The following UFL1 variants were observed in gnomAD, a reference collection of about 807,000 sequenced individuals.
The protein encoded by UFL1 is E3 UFM1-protein ligase 1.
In UFL1, 78 loss-of-function variants were observed where a neutral mutation model predicts 99.3. The observed-to-expected ratio is 0.79, with a 90% CI of 0.65 to 0.95. The LOEUF (loss-of-function observed/expected upper bound fraction) is 0.95. Ranked by LOEUF, UFL1 falls within the 40% of genes least tolerant of loss-of-function variation. The pLI is 0.00. For synonymous variants in UFL1, 335 were observed against 322.2 expected, an observed-to-expected ratio of 1.04 and a Z score of -0.42; for missense variants, 936 against 937.0, an observed-to-expected ratio of 1.00 and a Z score of 0.01.
rs151040340 is a variant in UFL1, at chr6:96,537,065, C to A, written c.803-309C>A. On this transcript the variant is annotated intron_variant, in intron 8 of 18. Transcript: ENST00000369278. ...CCAAGTCAAACTGCATAACAGATTA[C>A]TTCCTCAGTAATAAACCTGTAAGTC... 7.2e-3 allele frequency among the ~76,000 whole-genome samples: 1,089 copies of A among 151,708 alleles called. 11 individuals are homozygous for A. The highest frequency in any genetic ancestry group is 0.022 in the African/African-American group (920 of 41,464).
chr6:96,547,183 CAAAAG>C (rs757652246), intron 12 of UFL1, among the ~76,000 whole-genome samples: 1 of 151,566 alleles, frequency 6.6e-6, no homozygotes, highest in Non-Finnish European at 1.5e-5. Flanking sequence ...AGATACTTCT[CAAAAG>C]AAGAAATACA....
Position 96,551,984 on chromosome 6 carries a change from A to G in UFL1, c.1985+61A>G, listed in dbSNP as rs2127953862. Reference sequence around the variant, plus strand: ...TAAATGTGGAGCCTTTCATATCTGAAATTTGAATTTGACTGCCCGGCTCTT... The same window carrying G: ...TAAATGTGGAGCCTTTCATATCTGAGATTTGAATTTGACTGCCCGGCTCTT... On this transcript the variant is annotated intron_variant, in intron 17 of 18. Transcript: ENST00000369278. 7.3e-6 allele frequency: 9 copies of G among 1,230,828 alleles called. No homozygotes were observed. The South Asian group carries it at 1.2e-4, about 16-fold the overall frequency. 76.2% of individuals were successfully genotyped at this position (1,230,828 alleles called of 1,614,324 possible). A position where few individuals can be genotyped will look rare whatever the true frequency, so the allele number is the denominator to read the frequency against.
At chr6:96,546,286 A>C (rs1246545546) in intron 12 of UFL1, among the ~76,000 whole-genome samples, 4 of 150,722 alleles carry the variant, frequency 2.7e-5, no homozygotes, top group South Asian at 2.1e-4. Flanking sequence ...AAAAAAAAAA[A>C]AAACTAGGAA....
chr6:96,535,879 C>G (rs1056734594), intron 7 of UFL1, among the ~76,000 whole-genome samples: 3 of 151,868 alleles, frequency 2.0e-5, no homozygotes, highest in African/African-American at 7.3e-5. Context: ...TTGCATATTA[C>G]CTGTTCTTGA....
rs199586317 is a variant in UFL1, at chr6:96,525,679, T to TAAAAA, written c.350+300_350+304dup. On this transcript the variant is annotated intron_variant, in intron 4 of 18. Transcript: ENST00000369278. ...ACATAGCAAAGATCCTGTCTCAAAT[T>TAAAAA]AAAAAAAAAAAAAAAAAAATTCAGT... Among the ~76,000 whole-genome samples, 398 of 110,882 alleles carry TAAAAA rather than the reference T, an allele frequency of 3.6e-3. 1 individual carries two copies. The highest frequency in any genetic ancestry group is 9.2e-3 in the African/African-American group (273 of 29,696). The allele number at this position is 110,882 out of a possible 152,430, so 72.7% of individuals were successfully genotyped here.
chr6:96,523,402 T>C (rs976383953), intron 2 of UFL1, 111 bp downstream of exon 2: 12 of 1,169,610 alleles, frequency 1.0e-5, no homozygotes, highest in Non-Finnish European at 1.4e-5. Context: ...TTGTAAGATA[T>C]CGTTTTCAAT....
chr6:96,526,582 A>G lies in UFL1; in HGVS notation c.465+147A>G, dbSNP rs773789156. Reference sequence around the variant, plus strand: ...CTGACTTGATATATGTTGTACCAATATATTTGGGGGGTACTTCTAGTACAT... The same window carrying G: ...CTGACTTGATATATGTTGTACCAATGTATTTGGGGGGTACTTCTAGTACAT... On this transcript the variant is annotated intron_variant, in intron 5 of 18. Coordinates refer to ENST00000369278, the MANE Select transcript of UFL1 (RefSeq NM_015323.5). The G allele has an allele frequency of 3.3e-4, 218 of 667,744 alleles. No homozygotes were observed. Among genetic ancestry groups the G allele is most frequent in the Non-Finnish European group, 4.9e-4 (193 of 392,234 alleles). The allele number at this position is 667,744 out of a possible 1,614,324, so 41.4% of individuals were successfully genotyped here. A position where few individuals can be genotyped will look rare whatever the true frequency, so the allele number is the denominator to read the frequency against.
intron 10 of UFL1, among the ~76,000 whole-genome samples, chr6:96,540,008 T>A (rs12207570): frequency 6.6e-6 from 1 of 151,420 alleles, no homozygotes; most frequent in Non-Finnish European, 1.5e-5. Context: ...TTGGAAATAC[T>A]TCATCGTTGT....
At chr6:96,551,700 C>G (rs1173104531) in intron 16 of UFL1, 138 bp from the exon 17 acceptor site, 2 of 729,240 alleles carry the variant, frequency 2.7e-6, no homozygotes, top group Admixed American at 6.5e-5. Context: ...TTCTATATCA[C>G]AATTTCTAAC....
intron 10 of UFL1, 48 bp from the exon 11 acceptor site, chr6:96,540,487 G>C: frequency 6.4e-7 from 1 of 1,567,656 alleles, no homozygotes; most frequent in Non-Finnish European, 8.6e-7. Flanking sequence ...TTATGCTTTT[G>C]GAAATGCTAT....
chr6:96,539,058 T>C (rs1233263512), intron 10 of UFL1, among the ~76,000 whole-genome samples: 1 of 151,602 alleles, frequency 6.6e-6, no homozygotes, highest in Admixed American at 6.6e-5. Flanking sequence ...AATTACACTT[T>C]TCAGTTAAGT....
chr6:96,524,782 A>G (rs1235072042), intron 3 of UFL1, among the ~76,000 whole-genome samples: 1 of 152,192 alleles, frequency 6.6e-6, no homozygotes, highest in Non-Finnish European at 1.5e-5. Context: ...TTAGTATATG[A>G]AAGTAATAGA....
At position 96,528,632 on chromosome 6, in the gene UFL1, G is replaced by T; in HGVS notation, c.596G>T (p.Arg199Leu). Reference protein sequence around the residue: ...RIRGLFSAITRPTAVNSLISK... With the variant: ...RIRGLFSAITLPTAVNSLISK... ...CGTGGACTATTCAGTGCTATTACCC[G>T]GTAAGTATATTTTAAAGTATATATA... The change falls in exon 6 of 19, where the codon CGG becomes CTG. Residue 199 changes from arginine (R) to leucine (L), a missense_variant and splice_region_variant. Arg to Leu is a moderately radical substitution (Grantham distance 102, BLOSUM62 -2). Transcript: ENST00000369278. 6.2e-7 allele frequency: 1 copy of T among 1,608,288 alleles called. No homozygotes were observed. The highest frequency in any genetic ancestry group is 8.5e-7 in the Non-Finnish European group (1 of 1,177,586).
At position 96,525,300 on chromosome 6, in the gene UFL1, A is replaced by T; in HGVS notation, c.256A>T (p.Ile86Phe). The T allele has an allele frequency of 6.3e-7, 1 of 1,588,478 alleles. No homozygotes were observed. The highest frequency in any genetic ancestry group is 1.1e-5 in the South Asian group (1 of 87,074). The change falls in exon 4 of 19, where the codon ATT (isoleucine) becomes TTT (phenylalanine). Residue 86 changes from isoleucine (I) to phenylalanine (F), a missense_variant. Physicochemically the swap from Ile to Phe is conservative, Grantham distance 21 (BLOSUM62 0). Coordinates refer to ENST00000369278, the MANE Select transcript of UFL1 (RefSeq NM_015323.5). ...RVNIVDLQQV[I>F]NVDLIHIENR... ...AGATTTTGTATTTGTTTTCCAGGTA[A>T]TTAATGTGGACCTGATTCATATTGA...
intron 12 of UFL1, among the ~76,000 whole-genome samples, chr6:96,546,561 TA>T (rs1470426390): frequency 6.6e-6 from 1 of 151,304 alleles, no homozygotes; most frequent in African/African-American, 2.4e-5. Flanking sequence ...ATAGCCAAAG[TA>T]TCCTAAGCAA....
chr6:96,546,092 G>C (rs1769993827), intron 12 of UFL1, among the ~76,000 whole-genome samples: 1 of 151,148 alleles, frequency 6.6e-6, no homozygotes, highest in African/African-American at 2.4e-5. Flanking sequence ...TCTGTTCTCT[G>C]ATGACACGAT....
At chr6:96,522,540 TAGA>T (rs1769632723) in intron 1 of UFL1, among the ~76,000 whole-genome samples, 1 of 152,170 alleles carries the variant, frequency 6.6e-6, no homozygotes, top group South Asian at 2.1e-4. Flanking sequence ...ATAACGCTAA[TAGA>T]AGCCTTTCTA....
In UFL1 at chr6:96,552,587, AAC is replaced by A; in HGVS notation, c.2092_2093del (p.Thr698ProfsTer19). On this transcript the variant is annotated frameshift_variant, in exon 18 of 19. Coordinates refer to ENST00000369278, the MANE Select transcript of UFL1 (RefSeq NM_015323.5). LOFTEE classifies it high-confidence loss of function. Reference protein sequence around the residue: ...LTSVLLFQFSTHSMLHAPGRC... With the variant: ...LTSVLLFQFSXHSMLHAPGRC... The stretch of plus-strand genomic sequence containing the variant: ...CATCAGTCCTGTTGTTTCAGTTTTC[AAC>A]CCACAGCATGCTCCATGCACCTGGA... 1 of 1,613,378 alleles carries A rather than the reference AAC, an allele frequency of 6.2e-7. No individual in the cohort carries two copies. Among genetic ancestry groups the A allele is most frequent in the Non-Finnish European group, 8.5e-7 (1 of 1,179,740 alleles).
In UFL1 at chr6:96,548,203, AG is replaced by A; in HGVS notation, c.1443del (p.Ile482LeufsTer5). On this transcript the variant is annotated frameshift_variant, in exon 13 of 19. Coordinates refer to ENST00000369278, the MANE Select transcript of UFL1 (RefSeq NM_015323.5). LOFTEE classifies it high-confidence loss of function. ...GAGATCAGTTTTATGTTCCAGGATGAGATTGAAGATTTTTTAAGAAAACACA... is the reference window on the plus strand; with the variant it reads ...GAGATCAGTTTTATGTTCCAGGATGAATTGAAGATTTTTTAAGAAAACACA... ...KPEISFMFQDEIEDFLRKHIQ... is the reference protein window; with the variant it reads ...KPEISFMFQDXIEDFLRKHIQ... The A allele has an allele frequency of 6.2e-7, 1 of 1,606,898 alleles. No individual in the cohort carries two copies. The highest frequency in any genetic ancestry group is 8.5e-7 in the Non-Finnish European group (1 of 1,176,140).
Sources: allele counts gnomAD v4.1 joint callset (sites outside exome capture counted in the v4.1 genomes callset), GRCh38; gene constraint gnomAD v4.1.1; transcripts MANE v1.5; gene names NCBI Gene and HGNC (gene_info 2026-07-23, HGNC 2026-07-21).